Variants in PPM1H observed in about 807,000 individuals in gnomAD.
The protein encoded by PPM1H is protein phosphatase 1H.
PPM1H carries 27 observed loss-of-function variants against 54.9 expected under a neutral mutation model. That is an observed-to-expected ratio of 0.49 (90% CI 0.36 to 0.68). The LOEUF is 0.68. PPM1H is among the 30% of genes least tolerant of loss of function. The probability of loss-of-function intolerance (pLI) is 0.00; values close to 1 mark genes in which losing one functional copy is unlikely to be tolerated. For synonymous variants in PPM1H, 305 were observed against 270.8 expected (o/e 1.13, Z -1.24); for missense variants, 596 against 667.8 (o/e 0.89, Z 1.19).
Position 62,720,156 on chromosome 12 carries a change from A to C in PPM1H, c.1073+15T>G. The C allele has an allele frequency of 4.5e-6, 7 of 1,556,650 alleles. No homozygotes were observed. The highest frequency in any genetic ancestry group is 6.2e-6 in the Non-Finnish European group (7 of 1,127,814). ...ACACTGTGTGGTTCCGAGGCAGAGGAAGGCATGTTCTTACCAGCCTGTCAT... is the reference window on the plus strand; with the variant it reads ...ACACTGTGTGGTTCCGAGGCAGAGGCAGGCATGTTCTTACCAGCCTGTCAT... On this transcript the variant is annotated intron_variant, in intron 6 of 9. Coordinates refer to ENST00000228705, the MANE Select transcript of PPM1H (RefSeq NM_020700.2).
chr12:62,913,143 T>A (rs1379821979), intron 1 of PPM1H, among the ~76,000 whole-genome samples: 1 of 151,936 alleles, frequency 6.6e-6, no homozygotes, highest in Non-Finnish European at 1.5e-5. Flanking sequence ...AAATTGTTAA[T>A]GAAGATGGGG....
At chr12:62,840,377 C>T (rs991548466) in intron 1 of PPM1H, 1 of 152,222 alleles carries the variant, frequency 6.6e-6, no homozygotes, top group South Asian at 2.1e-4. Context: ...AACCATCACA[C>T]TGGCGGTGAG....
intron 1 of PPM1H, among the ~76,000 whole-genome samples, chr12:62,859,018 C>T (rs1869500232): frequency 6.6e-6 from 1 of 152,094 alleles, no homozygotes; most frequent in Admixed American, 6.6e-5. Flanking sequence ...CACAAATGAG[C>T]TAAAAAATCC....
At chr12:62,761,685 A>G (rs1217922868) in intron 4 of PPM1H, among the ~76,000 whole-genome samples, 2 of 152,096 alleles carry the variant, frequency 1.3e-5, no homozygotes, top group Non-Finnish European at 2.9e-5. Context: ...GAGAATCTCT[A>G]TAAAAGGTAG....
chr12:62,830,330 A>G (rs1005205185), intron 2 of PPM1H, among the ~76,000 whole-genome samples: 3 of 152,078 alleles, frequency 2.0e-5, no homozygotes, highest in African/African-American at 7.2e-5. Context: ...ATCTCAGCTC[A>G]CTGCAAGCTC....
At chr12:62,911,984 C>CA (rs1871475678) in intron 1 of PPM1H, among the ~76,000 whole-genome samples, 1 of 152,154 alleles carries the variant, frequency 6.6e-6, no homozygotes, top group Non-Finnish European at 1.5e-5. Flanking sequence ...TGTTAAATCC[C>CA]AGAGTCTTCA....
intron 4 of PPM1H, among the ~76,000 whole-genome samples, chr12:62,781,185 C>T (rs1218186368): frequency 1.3e-5 from 2 of 152,214 alleles, no homozygotes; most frequent in East Asian, 3.9e-4. Context: ...AACTACCCAG[C>T]AGGAAGAGGA....
intron 3 of PPM1H, among the ~76,000 whole-genome samples, chr12:62,790,889 G>T (rs1248656530): frequency 6.6e-6 from 1 of 152,162 alleles, no homozygotes; most frequent in African/African-American, 2.4e-5. Context: ...TTAAAGGACT[G>T]TCGTAAGGCT....
intron 4 of PPM1H, among the ~76,000 whole-genome samples, chr12:62,767,331 G>A (rs951108694): frequency 3.9e-5 from 6 of 152,308 alleles, no homozygotes; most frequent in South Asian, 4.1e-4. Context: ...CACCAGTGAA[G>A]GGGAGGGAGG....
At chr12:62,914,794 G>A (rs1482199870) in intron 1 of PPM1H, among the ~76,000 whole-genome samples, 1 of 152,186 alleles carries the variant, frequency 6.6e-6, no homozygotes, top group African/African-American at 2.4e-5. Flanking sequence ...GAGCAGAGAA[G>A]TGTAAGCCTC....
intron 4 of PPM1H, among the ~76,000 whole-genome samples, chr12:62,786,552 CT>C (rs1380289291): frequency 1.3e-5 from 2 of 152,230 alleles, no homozygotes; most frequent in African/African-American, 4.8e-5. Context: ...CTAACAGCTC[CT>C]GCCCAGTGGT....
chr12:62,669,937 TA>T (rs112485603), intron 8 of PPM1H, among the ~76,000 whole-genome samples: 23 of 120,134 alleles, frequency 1.9e-4, no homozygotes, highest in South Asian at 5.9e-4. Flanking sequence ...ACCCAGTCTT[TA>T]AAAAAAAAAT....
intron 6 of PPM1H, among the ~76,000 whole-genome samples, chr12:62,707,079 C>T (rs190233990): frequency 6.6e-6 from 1 of 152,236 alleles, no homozygotes; most frequent in Admixed American, 6.5e-5. Flanking sequence ...TCCAATGTGA[C>T]CCAGAGGATC....
At chr12:62,839,662 C>CAAAAAAA (rs34178089) in intron 1 of PPM1H, among the ~76,000 whole-genome samples, 1 of 131,234 alleles carries the variant, frequency 7.6e-6, no homozygotes. Context: ...TGAGTAAATC[C>CAAAAAAA]AAAAAAAAAA....
At chr12:62,928,387 C>A (rs1872036878) in intron 1 of PPM1H, among the ~76,000 whole-genome samples, 1 of 152,184 alleles carries the variant, frequency 6.6e-6, no homozygotes, top group Non-Finnish European at 1.5e-5. Context: ...TAATTAGGTT[C>A]AATCCTGCAT....
intron 1 of PPM1H, among the ~76,000 whole-genome samples, chr12:62,846,329 G>A (rs142357682): frequency 4.0e-5 from 6 of 151,760 alleles, no homozygotes; most frequent in African/African-American, 9.7e-5. Context: ...CAAAACCATC[G>A]GTACTAAAAA....
intron 5 of PPM1H, among the ~76,000 whole-genome samples, chr12:62,731,471 G>A (rs1454741947): frequency 6.6e-6 from 1 of 152,140 alleles, no homozygotes; most frequent in Non-Finnish European, 1.5e-5. Context: ...AGCAGGTTCA[G>A]GCTTAAGGAA....
At chr12:62,650,521 A>T (rs2075809851) in intron 9 of PPM1H, among the ~76,000 whole-genome samples, 1 of 152,214 alleles carries the variant, frequency 6.6e-6, no homozygotes, top group South Asian at 2.1e-4. Flanking sequence ...ATTGCAGCTC[A>T]TACACTATAG....
At chr12:62,707,761 G>T (rs973902567) in intron 6 of PPM1H, among the ~76,000 whole-genome samples, 3 of 152,114 alleles carry the variant, frequency 2.0e-5, no homozygotes, top group Admixed American at 6.5e-5. Context: ...CACCATGAGG[G>T]TTGGCACTGT....
Sources: allele counts gnomAD v4.1 joint callset (sites outside exome capture counted in the v4.1 genomes callset), GRCh38; gene constraint gnomAD v4.1.1; transcripts MANE v1.5; gene names NCBI Gene and HGNC (gene_info 2026-07-23, HGNC 2026-07-21).